PARVB: variants seen among roughly 807,000 people sequenced by gnomAD.
The protein encoded by PARVB is beta-parvin.
Under a neutral mutation model 47.0 loss-of-function variants are expected in PARVB, and 46 were observed. The ratio of observed to expected loss-of-function variants is 0.98; its 90% CI spans 0.77 to 1.25. The LOEUF is 1.25. Among genes scored for constraint, PARVB ranks in the 50% most tolerant of loss-of-function variants. The probability of loss-of-function intolerance (pLI) is 0.00; values close to 1 mark genes in which losing one functional copy is unlikely to be tolerated. For missense variants in PARVB, 473 were observed against 471.6 expected (o/e 1.00, Z -0.03); for synonymous variants, 196 against 196.3 (o/e 1.00, Z 0.01).
At chr22:44,107,657 T>G (rs1484461183) in intron 3 of PARVB, 1 of 151,480 alleles carries the variant, frequency 6.6e-6, no homozygotes, top group Non-Finnish European at 1.5e-5. Flanking sequence ...GGCTGGAGAG[T>G]GAATCAAATC....
chr22:44,163,807 G>T, intron 11 of PARVB, 51 bp from the exon 12 acceptor site: 1 of 1,464,084 alleles, frequency 6.8e-7, no homozygotes, highest in South Asian at 1.2e-5. Flanking sequence ...TGGGCCGTGT[G>T]TGGGAACGAC....
At chr22:44,132,532 A>G (rs887569454) in intron 5 of PARVB, among the ~76,000 whole-genome samples, 1 of 152,102 alleles carries the variant, frequency 6.6e-6, no homozygotes, top group Non-Finnish European at 1.5e-5. Context: ...GCCAGAGATA[A>G]TAACGCACAT....
rs2052122214 is a variant in PARVB, at chr22:44,089,842, C to G, written c.113-4086C>G. 6.6e-6 allele frequency among the ~76,000 whole-genome samples: 1 copy of G among 152,222 alleles called. No homozygotes were observed. Among genetic ancestry groups the G allele is most frequent in the Non-Finnish European group, 1.5e-5 (1 of 68,040 alleles). On this transcript the variant is annotated intron_variant, in intron 1 of 12. Coordinates refer to ENST00000338758, the MANE Select transcript of PARVB (RefSeq NM_013327.5). The surrounding 1 kb of genome is among the most constrained non-coding windows in gnomAD (Gnocchi z 4.0). Reference sequence around the variant, plus strand: ...ACATGCTGGCTGTGGTTTGTCTCCACTGCACTCTGCAAAGAGCCCCGAAGG... The same window carrying G: ...ACATGCTGGCTGTGGTTTGTCTCCAGTGCACTCTGCAAAGAGCCCCGAAGG...
intron 11 of PARVB, among the ~76,000 whole-genome samples, chr22:44,161,558 C>T (rs1348055099): frequency 3.9e-5 from 6 of 152,204 alleles, no homozygotes; most frequent in African/African-American, 1.2e-4. Context: ...ATGATCCACC[C>T]GCCTCAGCCT....
chr22:44,024,526 G>A, intron 1 of PARVB, 75 bp downstream of exon 1: 1 of 713,634 alleles, frequency 1.4e-6, no homozygotes, highest in Non-Finnish European at 1.8e-6. Flanking sequence ...AGAGCCCCAC[G>A]AGGCCGCCCC....
upstream of PARVB, among the ~76,000 whole-genome samples, chr22:44,020,010 C>T (rs1200147169): frequency 1.3e-5 from 2 of 150,664 alleles, no homozygotes; most frequent in Non-Finnish European, 2.9e-5. Flanking sequence ...TCCTGTGACT[C>T]CTGTGATGAA....
chr22:44,074,574 T>TC (rs1197798733), intron 1 of PARVB, among the ~76,000 whole-genome samples: 1 of 152,144 alleles, frequency 6.6e-6, no homozygotes, highest in East Asian at 1.9e-4. Flanking sequence ...GCTGAGCTTT[T>TC]CACAGCCCTG....
At chr22:44,166,476 G>A (rs1025109351) in intron 12 of PARVB, among the ~76,000 whole-genome samples, 3 of 152,226 alleles carry the variant, frequency 2.0e-5, no homozygotes, top group East Asian at 1.9e-4. Context: ...CTGACAGGCC[G>A]GCCTCCTAGG....
chr22:44,172,811 G>GAAGC lies in PARVB; in HGVS notation c.*4138_*4141dup, dbSNP rs1304228762. 4.7e-6 allele frequency: 2 copies of GAAGC among 428,596 alleles called. No homozygotes were observed. Among genetic ancestry groups the GAAGC allele is most frequent in the East Asian group, 1.7e-4 (2 of 11,514 alleles). 26.5% of individuals were successfully genotyped at this position (428,596 alleles called of 1,614,324 possible). ...GTCAGGCCCACCTGGCTGAGTGCAG[G>GAAGC]AAGCAAGCGCTTTTCAGGAGCTCAC... On this transcript the variant is annotated 3_prime_UTR_variant, in exon 13 of 13. Transcript: ENST00000338758.
intron 2 of PARVB, among the ~76,000 whole-genome samples, chr22:44,008,222 C>G (rs1248157553): frequency 6.6e-6 from 1 of 152,026 alleles, no homozygotes; most frequent in Admixed American, 6.6e-5. Flanking sequence ...TGCCTTAGCA[C>G]CCCCGCCCGC....
chr22:44,030,166 C>T (rs1399237800), intron 1 of PARVB, among the ~76,000 whole-genome samples: 1 of 152,206 alleles, frequency 6.6e-6, no homozygotes, highest in Non-Finnish European at 1.5e-5. Context: ...GCCTGCACTG[C>T]CCCCGCCTTT....
chr22:44,016,102 T>A lies in PARVB; in HGVS notation c.211+16429T>A, dbSNP rs2050574479. On this transcript the variant is annotated intron_variant, in intron 2 of 13. Coordinates refer to the PARVB transcript ENST00000406477. Reference sequence around the variant, plus strand: ...TTTTCTTTTTCTTTCTTTCTTTCTTTTTTTTTTTTTTTGAGATGGAGTCTC... The same window carrying A: ...TTTTCTTTTTCTTTCTTTCTTTCTTATTTTTTTTTTTTGAGATGGAGTCTC... Among the ~76,000 whole-genome samples the A allele has an allele frequency of 2.0e-5, 3 of 147,072 alleles. No homozygotes were observed. The South Asian group carries it at 6.8e-4, about 33-fold the overall frequency.
At chr22:44,159,885 T>C (rs1481705625) in intron 11 of PARVB, among the ~76,000 whole-genome samples, 1 of 152,182 alleles carries the variant, frequency 6.6e-6, no homozygotes, top group Non-Finnish European at 1.5e-5. Flanking sequence ...GTGCGTTTGC[T>C]CTGGCCCTGG....
At chr22:44,057,199 G>T (rs1184641168) in intron 1 of PARVB, among the ~76,000 whole-genome samples, 1 of 151,892 alleles carries the variant, frequency 6.6e-6, no homozygotes, top group African/African-American at 2.4e-5. Flanking sequence ...TTAAATTAGG[G>T]GACTTGTGAT....
chr22:44,083,344 T>C (rs1351188437), intron 1 of PARVB, among the ~76,000 whole-genome samples: 1 of 152,228 alleles, frequency 6.6e-6, no homozygotes, highest in Non-Finnish European at 1.5e-5. Flanking sequence ...CAGTTATCCA[T>C]GTGCTGGGTT....
chr22:44,033,804 A>G (rs1309269221), intron 1 of PARVB, among the ~76,000 whole-genome samples: 1 of 152,170 alleles, frequency 6.6e-6, no homozygotes, highest in Non-Finnish European at 1.5e-5. Context: ...AGGGAGTGAA[A>G]ATGTTAGCAC....
At chr22:44,146,264 A>G (rs1256385419) in intron 8 of PARVB, 1 of 136,150 alleles carries the variant, frequency 7.3e-6, no homozygotes, top group African/African-American at 3.0e-5. Context: ...ACACACGCTC[A>G]CAGCACACAC....
At chr22:44,106,956 C>T (rs1260158295) in intron 3 of PARVB, 1 of 152,196 alleles carries the variant, frequency 6.6e-6, no homozygotes, top group Non-Finnish European at 1.5e-5. Context: ...GGATTTAAAT[C>T]CCAACTCAGA....
chr22:44,071,820 C>T lies in PARVB; in HGVS notation c.113-22108C>T, dbSNP rs552283264. Among the ~76,000 whole-genome samples, 3 of 152,344 alleles carry T rather than the reference C, an allele frequency of 2.0e-5. No individual in the cohort carries two copies. In the South Asian group the frequency reaches 6.2e-4, roughly 32 times the overall value. ...CCTTGACTTTCCCAAGATCTACTTT[C>T]CTTGTCAGTAAAATGGCAATAATCG... On this transcript the variant is annotated intron_variant, in intron 1 of 12. Transcript: ENST00000338758.
Sources: allele counts gnomAD v4.1 joint callset (sites outside exome capture counted in the v4.1 genomes callset), GRCh38; gene constraint gnomAD v4.1.1; non-coding constraint Gnocchi (gnomAD v3.1); transcripts MANE v1.5; gene names NCBI Gene and HGNC (gene_info 2026-07-23, HGNC 2026-07-21).